The following WIF1 variants were observed in gnomAD, a reference collection of about 807,000 sequenced individuals.
WIF1 encodes the protein Wnt inhibitory factor 1.
Under a neutral mutation model 53.5 loss-of-function variants are expected in WIF1, and 35 were observed. The observed-to-expected ratio is 0.65, with a 90% CI of 0.50 to 0.87. WIF1 has a LOEUF of 0.87. WIF1 is among the 40% of genes least tolerant of loss of function. The pLI is 0.00. For synonymous variants in WIF1, 171 were observed against 170.4 expected (o/e 1.00, Z -0.03); for missense variants, 467 against 476.8 (o/e 0.98, Z 0.19).
At chr12:65,058,845 T>A (rs1439953001) in intron 7 of WIF1, among the ~76,000 whole-genome samples, 1 of 150,918 alleles carries the variant, frequency 6.6e-6, no homozygotes, top group Non-Finnish European at 1.5e-5. Context: ...AGGCCAGGAG[T>A]TCAAGACTAG....
intron 2 of WIF1, among the ~76,000 whole-genome samples, chr12:65,081,766 T>C (rs1200679829): frequency 2.6e-5 from 4 of 152,126 alleles, no homozygotes; most frequent in African/African-American, 9.7e-5. Flanking sequence ...TGTAATTTCC[T>C]GGATACTTGG....
In WIF1 at chr12:65,055,180, G is replaced by T. The variant is rs767027039; in HGVS notation, c.956C>A (p.Thr319Asn). The change falls in exon 9 of 10, where the codon ACC (threonine) becomes AAC (asparagine). Residue 319 changes from threonine to asparagine, a missense_variant. Thr to Asn is a moderately conservative substitution (Grantham distance 65). Transcript: ENST00000286574. ...VCEPGCGAHG[T>N]CHEPNKCQCQ... Reference sequence around the variant, plus strand: ...TTGGCATTTGTTGGGTTCATGGCAGGTTCCATGTGCACCACAGCCAGGCTC... The same window carrying T: ...TTGGCATTTGTTGGGTTCATGGCAGTTTCCATGTGCACCACAGCCAGGCTC... The T allele has an allele frequency of 1.9e-6, 3 of 1,614,090 alleles. No individual in the cohort carries two copies. The highest frequency in any genetic ancestry group is 2.2e-5 in the East Asian group (1 of 44,874).
At chr12:65,086,423 G>A (rs772951419) in intron 2 of WIF1, among the ~76,000 whole-genome samples, 4 of 152,138 alleles carry the variant, frequency 2.6e-5, no homozygotes, top group Non-Finnish European at 5.9e-5. Flanking sequence ...AACTATGGTG[G>A]GGTAAGATAA....
intron 7 of WIF1, among the ~76,000 whole-genome samples, chr12:65,061,121 T>A (rs1376545598): frequency 2.6e-5 from 4 of 152,180 alleles, no homozygotes; most frequent in Non-Finnish European, 4.4e-5. Context: ...GGGTAATTAA[T>A]AAGAATAGAA....
At chr12:65,064,454 A>T (rs1268141782) in intron 6 of WIF1, among the ~76,000 whole-genome samples, 1 of 152,208 alleles carries the variant, frequency 6.6e-6, no homozygotes, top group African/African-American at 2.4e-5. Context: ...CCAAGGGCCA[A>T]TGAAAGTTAT....
chr12:65,051,186 C>A lies in WIF1; in HGVS notation c.*163G>T. The A allele has an allele frequency of 1.1e-6, 1 of 910,110 alleles. No individual in the cohort carries two copies. The highest frequency in any genetic ancestry group is 1.5e-6 in the Non-Finnish European group (1 of 655,872). The allele number at this position is 910,110 out of a possible 1,614,324, so 56.4% of individuals were successfully genotyped here. A position where few individuals can be genotyped will look rare whatever the true frequency, so the allele number is the denominator to read the frequency against. ...TCATGCTACAGACGTACTTAGAAAACTTAAAAGGAAGAGTAAATATCAGCT... is the reference window on the plus strand; with the variant it reads ...TCATGCTACAGACGTACTTAGAAAAATTAAAAGGAAGAGTAAATATCAGCT... On this transcript the variant is annotated 3_prime_UTR_variant, in exon 10 of 10. Transcript: ENST00000286574.
chr12:65,050,909 G>A lies in WIF1; in HGVS notation c.*440C>T, dbSNP rs1005420434. 4.6e-6 allele frequency: 1 copy of A among 219,656 alleles called. No homozygotes were observed. Among genetic ancestry groups the A allele is most frequent in the African/African-American group, 2.2e-5 (1 of 44,484 alleles). 13.6% of individuals were successfully genotyped at this position (219,656 alleles called of 1,614,324 possible). A position where few individuals can be genotyped will look rare whatever the true frequency, so the allele number is the denominator to read the frequency against. On this transcript the variant is annotated 3_prime_UTR_variant, in exon 10 of 10. Coordinates refer to ENST00000286574, the MANE Select transcript of WIF1 (RefSeq NM_007191.5). ...AAAATTAAGAGCAATTTTTAAAAAT[G>A]TAACAAACATCTAAATATCTGACAA...
rs139316526 is a variant in WIF1 at position 65,109,134 on chromosome 12, T to C, written c.288+11283A>G. The stretch of plus-strand genomic sequence containing the variant: ...TTCCAACTACACCAATGATTCTCAG[T>C]TATATGTATTTCCCTATGGGTTATT... On this transcript the variant is annotated intron_variant, in intron 2 of 9. Coordinates refer to ENST00000286574, the MANE Select transcript of WIF1 (RefSeq NM_007191.5). 3.3e-5 allele frequency among the ~76,000 whole-genome samples: 5 copies of C among 152,310 alleles called. No homozygotes were observed. The East Asian group carries it at 9.7e-4, about 29-fold the overall frequency.
At chr12:65,119,186 G>T (rs1484598002) in intron 2 of WIF1, among the ~76,000 whole-genome samples, 1 of 152,170 alleles carries the variant, frequency 6.6e-6, no homozygotes, top group African/African-American at 2.4e-5. Context: ...TGTTTATGAA[G>T]TATCTATGAA....
At position 65,051,189 on chromosome 12, in the gene WIF1, A is replaced by T; in HGVS notation, c.*160T>A. The T allele has an allele frequency of 1.1e-6, 1 of 940,512 alleles. No individual in the cohort carries two copies. The highest frequency in any genetic ancestry group is 1.5e-6 in the Non-Finnish European group (1 of 681,342). The allele number at this position is 940,512 out of a possible 1,614,324, so 58.3% of individuals were successfully genotyped here. A position where few individuals can be genotyped will look rare whatever the true frequency, so the allele number is the denominator to read the frequency against. ...TGCTACAGACGTACTTAGAAAACTT[A>T]AAAGGAAGAGTAAATATCAGCTCAG... On this transcript the variant is annotated 3_prime_UTR_variant, in exon 10 of 10. Coordinates refer to ENST00000286574, the MANE Select transcript of WIF1 (RefSeq NM_007191.5).
At chr12:65,066,617 T>G in intron 6 of WIF1, 24 bp downstream of exon 6, 1 of 1,579,798 alleles carries the variant, frequency 6.3e-7, no homozygotes, top group Middle Eastern at 1.7e-4. Flanking sequence ...AAAAATAACT[T>G]TCTTCTTAAA....
chr12:65,118,890 G>GAGAA (rs1883553464), intron 2 of WIF1, among the ~76,000 whole-genome samples: 1 of 151,792 alleles, frequency 6.6e-6, no homozygotes, highest in Non-Finnish European at 1.5e-5. Flanking sequence ...GAGAGAGAGA[G>GAGAA]TGCGCACGAG....
intron 2 of WIF1, chr12:65,083,812 C>CTTTCCTTTCCTTTCA (rs1882989035): frequency 4.6e-6 from 1 of 216,350 alleles, no homozygotes; most frequent in Non-Finnish European, 8.5e-6. Context: ...CTTTCCTTTC[C>CTTTCCTTTCCTTTCA]TTTCCTCTCC....
At chr12:65,113,784 A>G (rs1169914299) in intron 2 of WIF1, among the ~76,000 whole-genome samples, 4 of 152,186 alleles carry the variant, frequency 2.6e-5, no homozygotes. Flanking sequence ...GCAGAATCTA[A>G]ACGTTAAAGG....
At chr12:65,062,966 T>A (rs990633505) in intron 6 of WIF1, among the ~76,000 whole-genome samples, 3 of 152,112 alleles carry the variant, frequency 2.0e-5, no homozygotes, top group Admixed American at 1.3e-4. Context: ...AGGAGAAGAC[T>A]TACTTTGGAA....
intron 2 of WIF1, chr12:65,083,801 C>CCTTTT (rs755963213): frequency 3.0e-6 from 1 of 332,780 alleles, no homozygotes; most frequent in Non-Finnish European, 5.8e-6. Flanking sequence ...CCTTTCCTTT[C>CCTTTT]CTTTCCTTTC....
intron 2 of WIF1, among the ~76,000 whole-genome samples, chr12:65,078,985 C>T (rs190602561): frequency 8.6e-5 from 13 of 151,756 alleles, no homozygotes; most frequent in East Asian, 3.9e-4. Context: ...GCCAACATGG[C>T]GAAACCCCGT....
chr12:65,112,492 G>A (rs914142391), intron 2 of WIF1, among the ~76,000 whole-genome samples: 41 of 147,092 alleles, frequency 2.8e-4, no homozygotes, highest in Non-Finnish European at 4.2e-4. Context: ...TCTTTTGAAA[G>A]TTTATTAAGA....
intron 9 of WIF1, among the ~76,000 whole-genome samples, chr12:65,053,137 A>G (rs1387969538): frequency 6.6e-6 from 1 of 152,210 alleles, no homozygotes; most frequent in Non-Finnish European, 1.5e-5. Flanking sequence ...TTTTAGTCCA[A>G]AGAAGATCTC....
Sources: allele counts gnomAD v4.1 joint callset (sites outside exome capture counted in the v4.1 genomes callset), GRCh38; gene constraint gnomAD v4.1.1; transcripts MANE v1.5; gene names NCBI Gene and HGNC (gene_info 2026-07-23, HGNC 2026-07-21).